Variants in FUBP3 observed in about 807,000 individuals in gnomAD.
The protein encoded by FUBP3 is far upstream element-binding protein 3.
A neutral mutation model predicts 85.6 loss-of-function variants in FUBP3; 28 were observed. The ratio of observed to expected loss-of-function variants is 0.33; its 90% confidence interval spans 0.24 to 0.45. FUBP3 has a LOEUF of 0.45. FUBP3 is among the 20% of genes least tolerant of loss of function. FUBP3 has a pLI of 1.00. For synonymous variants in FUBP3, 271 were observed against 271.4 expected (o/e 1.00, Z 0.01); for missense variants, 583 against 755.1 (o/e 0.77, Z 2.67).
chr9:130,586,303 G>C (rs1830333490), intron 1 of FUBP3, among the ~76,000 whole-genome samples: 1 of 152,234 alleles, frequency 6.6e-6, no homozygotes, highest in African/African-American at 2.4e-5. Flanking sequence ...CCAGTGCAAA[G>C]ATAAGTAAGA....
At chr9:130,603,405 T>A (rs1053214498) in intron 2 of FUBP3, among the ~76,000 whole-genome samples, 9 of 150,556 alleles carry the variant, frequency 6.0e-5, no homozygotes, top group Admixed American at 1.3e-4. Context: ...TTTTATCCAG[T>A]TGACAACTCC....
At position 130,584,488 on chromosome 9, in the gene FUBP3, A is replaced by G. The variant is rs553312968; in HGVS notation, c.84+4724A>G. 1.0e-3 allele frequency among the ~76,000 whole-genome samples: 153 copies of G among 152,140 alleles called. No homozygotes were observed. In the South Asian group the frequency reaches 0.03, roughly 30 times the overall value. On this transcript the variant is annotated intron_variant, in intron 1 of 18. Transcript: ENST00000319725. ...GGTTGCAGTGAGCCGAGATCGTGCC[A>G]TTGCATTCAAGCCTGAGTGAAAAGA... is the stretch of plus-strand genomic sequence containing the variant.
rs1286601370 is a variant in FUBP3, at chr9:130,595,559, G to A, written c.161G>A (p.Gly54Glu). The A allele has an allele frequency of 6.3e-7, 1 of 1,576,082 alleles. No homozygotes were observed. Among genetic ancestry groups the A allele is most frequent in the Admixed American group, 1.7e-5 (1 of 59,952 alleles). The change falls in exon 2 of 19, where the codon GGA (glycine) becomes GAA (glutamate). Residue 54 changes from glycine (G) to glutamate (E), a missense_variant. This residue lies in a region of FUBP3 where 177 missense variants were observed against 221.9 expected (regional missense o/e 0.80). Coordinates refer to ENST00000319725, the MANE Select transcript of FUBP3 (RefSeq NM_003934.2). ...GTGGACCCCTCAGTATATGGATACG[G>A]AGTACAAAAACGGCCCTTGGATGAT... The part of the protein sequence containing the change: ...PLVDPSVYGY[G>E]VQKRPLDDGV...
intron 10 of FUBP3, 131 bp downstream of exon 10, chr9:130,622,941 T>TG (rs1163806680): frequency 6.7e-6 from 3 of 449,140 alleles, no homozygotes; most frequent in African/African-American, 6.1e-5. Flanking sequence ...TTCTCATCCT[T>TG]GCAACATCCT....
intron 2 of FUBP3, among the ~76,000 whole-genome samples, chr9:130,599,309 A>G (rs1216246450): frequency 6.6e-6 from 1 of 151,900 alleles, no homozygotes; most frequent in African/African-American, 2.4e-5. Context: ...ACATATATAC[A>G]TATATAGATA....
intron 2 of FUBP3, chr9:130,596,539 A>C (rs1830878466): frequency 5.8e-6 from 1 of 171,056 alleles, no homozygotes; most frequent in Non-Finnish European, 1.3e-5. Flanking sequence ...CTCCTTAGCG[A>C]TGGGATCACA....
rs1348820168 is a variant in FUBP3 at position 130,626,492 on chromosome 9, C to T, written c.1104C>T (p.Leu368=). 1.1e-5 allele frequency: 18 copies of T among 1,613,970 alleles called. No individual in the cohort carries two copies. Among genetic ancestry groups the T allele is most frequent in the Non-Finnish European group, 1.5e-5 (18 of 1,180,014 alleles). The part of the protein sequence containing the change: ...TYTVPADKCG[L]VIGKGGENIK... The stretch of plus-strand genomic sequence containing the variant: ...CGGTGCCAGCCGATAAGTGTGGCCT[C>T]GTCATAGGCAAAGGTAAGAGGCAGC... Residue 368 remains leucine (L), a synonymous_variant, in exon 12 of 19, where the codon CTC becomes CTT. Coordinates refer to ENST00000319725, the MANE Select transcript of FUBP3 (RefSeq NM_003934.2).
In FUBP3 at chr9:130,579,755, G is replaced by T. The variant is rs750595007; in HGVS notation, c.75G>T (p.Arg25=). The T allele has an allele frequency of 1.5e-5, 19 of 1,279,232 alleles. No individual in the cohort carries two copies. The South Asian group carries it at 6.2e-4, about 42-fold the overall frequency. The allele number at this position is 1,279,232 out of a possible 1,614,324, so 79.2% of individuals were successfully genotyped here. A position where few individuals can be genotyped will look rare whatever the true frequency, so the allele number is the denominator to read the frequency against. ...AGGGCTTCGTGGATGCCCTGCACCGGGTCCGGCAGGTACGGGCGCAGCCGG... is the reference window on the plus strand; with the variant it reads ...AGGGCTTCGTGGATGCCCTGCACCGTGTCCGGCAGGTACGGGCGCAGCCGG... ...KAEGFVDALH[R]VRQIAAKIDS... Residue 25 remains arginine (R), a synonymous_variant, in exon 1 of 19, where the codon CGG becomes CGT. Transcript: ENST00000319725.
At chr9:130,634,796 C>T in intron 17 of FUBP3, 58 bp downstream of exon 17, 3 of 1,349,746 alleles carry the variant, frequency 2.2e-6, no homozygotes, top group Non-Finnish European at 3.2e-6. Context: ...CCAGAGACTT[C>T]AGAGTCCAAG....
At chr9:130,599,349 A>G (rs939571955) in intron 2 of FUBP3, among the ~76,000 whole-genome samples, 2 of 107,452 alleles carry the variant, frequency 1.9e-5, no homozygotes, top group Non-Finnish European at 3.6e-5. Context: ...ATACACATAT[A>G]TATAAGTATA....
rs539474393 is a variant in FUBP3, at chr9:130,583,992, C to G, written c.84+4228C>G. Reference sequence around the variant, plus strand: ...CCTCAAGCAATCCTCCCACCTCAGTCTTTCAAAGTGCTGGGATGGGTGTGA... The same window carrying G: ...CCTCAAGCAATCCTCCCACCTCAGTGTTTCAAAGTGCTGGGATGGGTGTGA... On this transcript the variant is annotated intron_variant, in intron 1 of 18. Transcript: ENST00000319725. Among the ~76,000 whole-genome samples, 43 of 152,224 alleles carry G rather than the reference C, an allele frequency of 2.8e-4. 1 individual carries two copies. The South Asian group carries it at 8.9e-3, about 32-fold the overall frequency.
At chr9:130,633,505 G>A (rs1830297229) in intron 16 of FUBP3, among the ~76,000 whole-genome samples, 2 of 152,250 alleles carry the variant, frequency 1.3e-5, no homozygotes, top group South Asian at 2.1e-4. Context: ...CGGGTGGAAC[G>A]GGCAGAGGCC....
At chr9:130,613,111 C>A in intron 5 of FUBP3, 84 bp downstream of exon 5, 2 of 833,930 alleles carry the variant, frequency 2.4e-6, no homozygotes, top group Non-Finnish European at 4.0e-6. Flanking sequence ...TTGCTTGTTG[C>A]TTGGGTAAGT....
At chr9:130,625,880 T>G (rs1260532069) in intron 11 of FUBP3, among the ~76,000 whole-genome samples, 1 of 152,198 alleles carries the variant, frequency 6.6e-6, no homozygotes, top group African/African-American at 2.4e-5. Flanking sequence ...CGTTTATCCT[T>G]CTTGCTGACT....
Position 130,623,729 on chromosome 9 carries a change from G to C in FUBP3, c.975+18G>C, listed in dbSNP as rs1421482489. 6 of 1,540,918 alleles carry C rather than the reference G, an allele frequency of 3.9e-6. No homozygotes were observed. The South Asian group carries it at 6.7e-5, about 17-fold the overall frequency. ...CAGCCCAGGTGGGTCCAGCTCTGCA[G>C]AGTGTGAGTGTTTGGGCTGCAGAAG... On this transcript the variant is annotated intron_variant, in intron 11 of 18. Transcript: ENST00000319725.
At position 130,623,715 on chromosome 9, in the gene FUBP3, G is replaced by C; in HGVS notation, c.975+4G>C. 1 of 1,598,658 alleles carries C rather than the reference G, an allele frequency of 6.3e-7. No individual in the cohort carries two copies. Among genetic ancestry groups the C allele is most frequent in the South Asian group, 1.1e-5 (1 of 90,716 alleles). On this transcript the variant is annotated splice_donor_region_variant and intron_variant, in intron 11 of 18. Transcript: ENST00000319725. ...CGAGCTGATTCTTACAGCCCAGGTG[G>C]GTCCAGCTCTGCAGAGTGTGAGTGT...
chr9:130,594,752 C>T (rs575329702), intron 1 of FUBP3, among the ~76,000 whole-genome samples: 28 of 151,728 alleles, frequency 1.8e-4, no homozygotes, highest in Non-Finnish European at 3.5e-4. Context: ...GAGTGAGACC[C>T]GTTTGTCACA....
rs1831811264 is a variant in FUBP3 at position 130,612,759 on chromosome 9, C to A, written c.275-197C>A. 6.6e-6 allele frequency among the ~76,000 whole-genome samples: 1 copy of A among 152,136 alleles called. No individual in the cohort carries two copies. ...CACCTCTCCCCACCTCAGCTCAGAT[C>A]CCCTCTGCCTGTAGGCTGTTTCACA... On this transcript the variant is annotated intron_variant, in intron 4 of 18. Coordinates refer to ENST00000319725, the MANE Select transcript of FUBP3 (RefSeq NM_003934.2). This position sits in a 1 kb window ranked among gnomAD's most constrained non-coding sequence, Gnocchi z 4.1.
At position 130,604,847 on chromosome 9, in the gene FUBP3, G is replaced by A. The variant is rs574342346; in HGVS notation, c.191-5107G>A. ...CAGGAGGTGGAGATTGCAGTGAGCCGAGATCGTGCCACTGCACTCCAGCCT... is the reference window on the plus strand; with the variant it reads ...CAGGAGGTGGAGATTGCAGTGAGCCAAGATCGTGCCACTGCACTCCAGCCT... On this transcript the variant is annotated intron_variant, in intron 2 of 18. Transcript: ENST00000319725. Among the ~76,000 whole-genome samples the A allele has an allele frequency of 1.7e-3, 257 of 151,050 alleles. 2 individuals carry two copies. The highest frequency in any genetic ancestry group is 5.7e-3 in the African/African-American group (234 of 41,044).
Sources: gnomAD v4.1 joint callset for allele counts (sites outside exome capture counted in the v4.1 genomes callset) on GRCh38, gnomAD v4.1.1 for gene constraint, gnomAD v4.1.1 regional missense constraint, Gnocchi (gnomAD v3.1) non-coding constraint, MANE v1.5 for transcripts, NCBI Gene and HGNC (gene_info 2026-07-23, HGNC 2026-07-21) for gene names.